The following ZNF641 variants were observed in gnomAD, a reference collection of about 807,000 sequenced individuals.
The protein encoded by ZNF641 is zinc finger protein 641.
In ZNF641, 26 loss-of-function variants were observed where a neutral mutation model predicts 46.2. The observed-to-expected ratio is 0.56, with a 90% CI of 0.41 to 0.78. ZNF641 has a LOEUF of 0.78. Ranked by LOEUF, ZNF641 falls within the 30% of genes least tolerant of loss-of-function variation. ZNF641 has a pLI of 0.00. For synonymous variants in ZNF641, 163 were observed against 187.9 expected, an observed-to-expected ratio of 0.87 and a Z score of 1.09; for missense variants, 469 against 517.8, an observed-to-expected ratio of 0.91 and a Z score of 0.91.
At position 48,343,702 on chromosome 12, in the gene ZNF641, A is replaced by G; in HGVS notation, c.546T>C (p.Asp182=). ...GAGGTTCTGCTTCTAGTTCAGGGGT[A>G]TCCCCCTCATGTTCACTTCCATCTC... is the stretch of plus-strand genomic sequence containing the variant. ...YTGDGSEHEG[D]TPELEAEPPR... The change falls in exon 6 of 6, where the codon GAT becomes GAC. Residue 182 remains aspartate (D), a synonymous_variant. Coordinates refer to ENST00000547026, the MANE Select transcript of ZNF641 (RefSeq NM_001172681.2). The G allele has an allele frequency of 6.6e-7, 1 of 1,505,348 alleles. No homozygotes were observed. Among genetic ancestry groups the G allele is most frequent in the South Asian group, 1.4e-5 (1 of 73,908 alleles). 93.2% of individuals were successfully genotyped at this position (1,505,348 alleles called of 1,614,324 possible).
chr12:48,347,688 AG>A (rs1438022251), intron 2 of ZNF641, among the ~76,000 whole-genome samples: 1 of 152,170 alleles, frequency 6.6e-6, no homozygotes, highest in Non-Finnish European at 1.5e-5. Flanking sequence ...TTGCATGTGG[AG>A]GGAGTAATTA....
chr12:48,344,922 G>T (rs1023522276), intron 4 of ZNF641: 1 of 543,068 alleles, frequency 1.8e-6, no homozygotes, highest in Non-Finnish European at 3.3e-6. Context: ...CCTTCCCAAT[G>T]AACCTGTTTT....
Position 48,345,618 on chromosome 12 carries a change from A to G in ZNF641, c.277-144T>C, listed in dbSNP as rs1000700910. The G allele has an allele frequency of 1.2e-5, 11 of 931,854 alleles. No individual in the cohort carries two copies. In the African/African-American group the frequency reaches 1.8e-4, roughly 15 times the overall value. 57.7% of individuals were successfully genotyped at this position (931,854 alleles called of 1,614,324 possible). On this transcript the variant is annotated intron_variant, in intron 3 of 5. Coordinates refer to ENST00000547026, the MANE Select transcript of ZNF641 (RefSeq NM_001172681.2). ...CCAGAAGTCCCTGGGTAGGGCACAT[A>G]GTTTTGGTAACAGGGAAATGAGGAG...
At position 48,346,125 on chromosome 12, in the gene ZNF641, C is replaced by T. The variant is rs188187289; in HGVS notation, c.277-651G>A. Among the ~76,000 whole-genome samples the T allele has an allele frequency of 6.0e-3, 918 of 152,170 alleles. 6 individuals carry two copies. Among genetic ancestry groups the T allele is most frequent in the African/African-American group, 0.021 (871 of 41,500 alleles). On this transcript the variant is annotated intron_variant, in intron 3 of 5. Coordinates refer to ENST00000547026, the MANE Select transcript of ZNF641 (RefSeq NM_001172681.2). The stretch of plus-strand genomic sequence containing the variant: ...TTCACCATGTTGGCCAGGCTGGTCT[C>T]GAACTCCTGACCTTGTGATTTGCCC...
chr12:48,350,226 A>C (rs1363214338), intron 1 of ZNF641: 10 of 1,478,786 alleles, frequency 6.8e-6, no homozygotes, highest in Non-Finnish European at 9.0e-6. Context: ...GACCTGCAAA[A>C]GGAAGTTTCT....
chr12:48,346,518 T>C (rs570215883), intron 3 of ZNF641, among the ~76,000 whole-genome samples: 35 of 152,296 alleles, frequency 2.3e-4, no homozygotes, highest in African/African-American at 7.5e-4. Context: ...ATTTCCTTTC[T>C]AGCTCTGCCC....
downstream of ZNF641, among the ~76,000 whole-genome samples, chr12:48,335,001 G>C (rs1952594152): frequency 6.6e-6 from 1 of 152,212 alleles, no homozygotes; most frequent in Non-Finnish European, 1.5e-5. Context: ...AGAGCTAATT[G>C]TAATATCATT....
chr12:48,345,362 CCA>C lies in ZNF641; in HGVS notation c.387_388del (p.Cys129TrpfsTer29), dbSNP rs1315477665. The C allele has an allele frequency of 2.5e-6, 4 of 1,613,890 alleles. No homozygotes were observed. The highest frequency in any genetic ancestry group is 3.4e-6 in the Non-Finnish European group (4 of 1,179,984). The stretch of plus-strand genomic sequence containing the variant: ...ATGCTTACTCAGAGAGACTACTATC[CCA>C]CAGTTTTCCTGCATGACATATTCTC... On this transcript the variant is annotated frameshift_variant, in exon 4 of 6. Transcript: ENST00000547026. LOFTEE classifies it high-confidence loss of function.
At chr12:48,344,912 C>T (rs945867402) in intron 4 of ZNF641, 200 bp from the exon 5 acceptor site, 1 of 549,726 alleles carries the variant, frequency 1.8e-6, no homozygotes, top group Non-Finnish European at 3.2e-6. Context: ...AAATCACTCT[C>T]CTTCCCAATG....
intron 4 of ZNF641, 28 bp downstream of exon 4, chr12:48,345,317 T>C (rs745981195): frequency 2.0e-5 from 32 of 1,612,638 alleles, no homozygotes; most frequent in Non-Finnish European, 2.7e-5. Context: ...AGTCCAATCT[T>C]CTAGTGGCTG....
chr12:48,341,626 A>G lies in ZNF641; in HGVS notation c.*1347T>C, dbSNP rs975976133. 5.5e-5 allele frequency: 54 copies of G among 985,368 alleles called. No individual in the cohort carries two copies. The highest frequency in any genetic ancestry group is 6.3e-5 in the Non-Finnish European group (52 of 829,948). The allele number at this position is 985,368 out of a possible 1,614,324, so 61.0% of individuals were successfully genotyped here. On this transcript the variant is annotated 3_prime_UTR_variant, in exon 6 of 6. Coordinates refer to ENST00000547026, the MANE Select transcript of ZNF641 (RefSeq NM_001172681.2). ...CCCTTGATGAGGCAGTCAAATTCAA[A>G]CCAGTGATGGCAACAACTTGCAAAC...
Position 48,342,892 on chromosome 12 carries a change from T to A in ZNF641, c.*81A>T. The A allele has an allele frequency of 6.6e-7, 1 of 1,520,122 alleles. No individual in the cohort carries two copies. The highest frequency in any genetic ancestry group is 8.8e-7 in the Non-Finnish European group (1 of 1,142,532). The allele number at this position is 1,520,122 out of a possible 1,614,324, so 94.2% of individuals were successfully genotyped here. Reference sequence around the variant, plus strand: ...GGGCTTATGATTCTGGCCACTGGGGTTCAGGAGAACGGCAGCCCTGGCAGT... The same window carrying A: ...GGGCTTATGATTCTGGCCACTGGGGATCAGGAGAACGGCAGCCCTGGCAGT... On this transcript the variant is annotated 3_prime_UTR_variant, in exon 6 of 6. Coordinates refer to ENST00000547026, the MANE Select transcript of ZNF641 (RefSeq NM_001172681.2).
In ZNF641 at chr12:48,342,254, A is replaced by AT. The variant is rs1952737044; in HGVS notation, c.*718dup. ...AGTAGGAATAATGGGTAAAAAGGTT[A>AT]TTTTTTCAGCAGGTGAGGGTGAGAG... On this transcript the variant is annotated 3_prime_UTR_variant, in exon 6 of 6. Transcript: ENST00000547026. 6.1e-6 allele frequency: 6 copies of AT among 985,376 alleles called. No homozygotes were observed. The highest frequency in any genetic ancestry group is 7.2e-6 in the Non-Finnish European group (6 of 829,982). 61.0% of individuals were successfully genotyped at this position (985,376 alleles called of 1,614,324 possible).
intron 5 of ZNF641, 71 bp from the exon 6 acceptor site, chr12:48,343,798 T>G: frequency 7.2e-7 from 1 of 1,387,848 alleles, no homozygotes; most frequent in Non-Finnish European, 9.4e-7. Context: ...AAGTCACAAA[T>G]GAGGTTGTCT....
At chr12:48,336,099 A>G (rs1779820252), downstream of ZNF641, among the ~76,000 whole-genome samples, 1 of 152,220 alleles carries the variant, frequency 6.6e-6, no homozygotes, top group Non-Finnish European at 1.5e-5. Context: ...ATGCATGTTT[A>G]AACTATACTA....
chr12:48,351,008 TGGGAGGGAGAGGAGTGGGAGGGAGGGA>T (rs1433988094), upstream of ZNF641: 5 of 93,452 alleles, frequency 5.4e-5, no homozygotes, highest in African/African-American at 2.1e-4. Flanking sequence ...GGGAGAGGAG[TGGGAGGGAGAGGAGTGGGAGGGAGGGA>T]GGGAGGGAGG....
intron 3 of ZNF641, 80 bp from the exon 4 acceptor site, chr12:48,345,554 G>A: frequency 1.3e-6 from 2 of 1,566,608 alleles, no homozygotes; most frequent in East Asian, 2.3e-5. Context: ...TAAGTTAGTA[G>A]AGGAGAGAGG....
chr12:48,335,751 T>C (rs1427786712), downstream of ZNF641, among the ~76,000 whole-genome samples: 1 of 152,208 alleles, frequency 6.6e-6, no homozygotes, highest in Non-Finnish European at 1.5e-5. Context: ...ATCTCATCCC[T>C]AGTATTCATT....
At chr12:48,347,436 A>T (rs901962) in intron 2 of ZNF641, 93 bp from the exon 3 acceptor site, 881,207 of 1,078,294 alleles carry the variant, frequency 0.82, 366,118 homozygotes, top group Non-Finnish European at 0.87. Flanking sequence ...AAGGGTCACA[A>T]CTTCTGTATC....
Sources: gnomAD v4.1 joint callset for allele counts (sites outside exome capture counted in the v4.1 genomes callset) on GRCh38, gnomAD v4.1.1 for gene constraint, MANE v1.5 for transcripts, NCBI Gene and HGNC (gene_info 2026-07-23, HGNC 2026-07-21) for gene names.